The following CSMD1 variants were observed in gnomAD, a reference collection of about 807,000 sequenced individuals.
The protein encoded by CSMD1 is CUB and sushi domain-containing protein 1.
CSMD1 carries 213 observed loss-of-function variants against 417.5 expected under a neutral mutation model. The observed-to-expected ratio is 0.51, with a 90% CI of 0.46 to 0.57. The LOEUF is 0.57. CSMD1 is among the 20% of genes least tolerant of loss of function. The pLI is 0.00. For synonymous variants in CSMD1, 2,862 were observed against 1,736.8 expected (o/e 1.65, Z -16.11); for missense variants, 6,923 against 4,529.7 (o/e 1.53, Z -15.17).
chr8:4,467,817 T>C (rs753861168), intron 2 of CSMD1, among the ~76,000 whole-genome samples: 1 of 152,154 alleles, frequency 6.6e-6, no homozygotes, highest in Non-Finnish European at 1.5e-5. Context: ...AGTGAAATAA[T>C]TGGACAAACT....
chr8:3,399,842 ATC>A (rs1811931830), intron 15 of CSMD1, among the ~76,000 whole-genome samples: 1 of 152,216 alleles, frequency 6.6e-6, no homozygotes, highest in Non-Finnish European at 1.5e-5. Context: ...ATGCCCGGTT[ATC>A]TATAGTTTAC....
At chr8:4,970,064 A>G (rs930941634) in intron 1 of CSMD1, among the ~76,000 whole-genome samples, 4 of 152,202 alleles carry the variant, frequency 2.6e-5, no homozygotes, top group Non-Finnish European at 5.9e-5. Context: ...GCACACAGAA[A>G]TGACAAAAGT....
chr8:4,485,137 A>G (rs1013114064), intron 2 of CSMD1, among the ~76,000 whole-genome samples: 3 of 151,992 alleles, frequency 2.0e-5, no homozygotes, highest in African/African-American at 4.8e-5. Context: ...GGTCTTCGGC[A>G]TAGGCTGTAT....
intron 1 of CSMD1, among the ~76,000 whole-genome samples, chr8:4,646,850 T>C (rs1034715079): frequency 4.6e-5 from 7 of 152,182 alleles, no homozygotes; most frequent in African/African-American, 1.4e-4. Context: ...TTTTTTGTTA[T>C]GAAAATTATA....
chr8:4,699,822 C>T (rs752391333), intron 1 of CSMD1, among the ~76,000 whole-genome samples: 3 of 152,064 alleles, frequency 2.0e-5, no homozygotes, highest in East Asian at 3.9e-4. Flanking sequence ...CAGGTCTTGC[C>T]GATGCAGAGA....
At chr8:4,101,236 T>C (rs911676517) in intron 3 of CSMD1, among the ~76,000 whole-genome samples, 3 of 152,234 alleles carry the variant, frequency 2.0e-5, no homozygotes, top group Non-Finnish European at 2.9e-5. Context: ...TGTTTTTTGC[T>C]GTTTCTCCCC....
intron 1 of CSMD1, among the ~76,000 whole-genome samples, chr8:4,702,363 T>G (rs974991519): frequency 1.3e-5 from 2 of 152,202 alleles, no homozygotes; most frequent in African/African-American, 4.8e-5. Context: ...CCTCCTGCTC[T>G]CCGAAGTAGC....
intron 6 of CSMD1, among the ~76,000 whole-genome samples, chr8:3,750,796 C>T (rs1359304467): frequency 6.6e-6 from 1 of 152,164 alleles, no homozygotes; most frequent in Non-Finnish European, 1.5e-5. Flanking sequence ...TCATCCTAAG[C>T]TGTTGCTCTG....
At chr8:3,483,816 T>C (rs1330235899) in intron 11 of CSMD1, among the ~76,000 whole-genome samples, 9 of 152,198 alleles carry the variant, frequency 5.9e-5, no homozygotes, top group Admixed American at 5.9e-4. Context: ...TATTCCATTT[T>C]ATGAAAGGCT....
chr8:3,175,475 C>CCCCT (rs1554451320), intron 37 of CSMD1, among the ~76,000 whole-genome samples: 2 of 132,470 alleles, frequency 1.5e-5, no homozygotes, highest in African/African-American at 2.9e-5. Flanking sequence ...TCCTTCTTTT[C>CCCCT]CCTTCCTTCC....
intron 2 of CSMD1, among the ~76,000 whole-genome samples, chr8:4,467,080 C>CT (rs544131152): frequency 1.5e-5 from 2 of 130,196 alleles, no homozygotes; most frequent in African/African-American, 5.7e-5. Flanking sequence ...GCTTTGATTT[C>CT]TTTTCAAATT....
intron 5 of CSMD1, among the ~76,000 whole-genome samples, chr8:3,977,670 A>T (rs188379980): frequency 4.6e-5 from 7 of 152,302 alleles, no homozygotes; most frequent in Non-Finnish European, 1.0e-4. Context: ...TTCTGCTCAT[A>T]AGAATGTGGT....
intron 37 of CSMD1, among the ~76,000 whole-genome samples, chr8:3,178,498 G>A (rs762313975): frequency 3.9e-5 from 6 of 152,064 alleles, no homozygotes; most frequent in East Asian, 1.9e-4. Flanking sequence ...TGGATACCTC[G>A]CAAGGTGCTC....
intron 5 of CSMD1, among the ~76,000 whole-genome samples, chr8:3,815,314 T>C (rs1034955979): frequency 2.6e-5 from 4 of 152,110 alleles, no homozygotes; most frequent in African/African-American, 9.7e-5. Context: ...GAGTATTAGT[T>C]CACTTCTGAA....
intron 2 of CSMD1, among the ~76,000 whole-genome samples, chr8:4,523,571 G>C (rs551543617): frequency 6.6e-6 from 1 of 152,084 alleles, no homozygotes; most frequent in East Asian, 1.9e-4. Context: ...TGCAATTGTG[G>C]TTGCCTCAAA....
chr8:4,969,270 G>A (rs1051248947), intron 1 of CSMD1, among the ~76,000 whole-genome samples: 2 of 151,882 alleles, frequency 1.3e-5, no homozygotes, highest in African/African-American at 2.4e-5. Flanking sequence ...GAATTACTTA[G>A]GCATTTTCAA....
intron 3 of CSMD1, among the ~76,000 whole-genome samples, chr8:4,221,266 C>G (rs559931138): frequency 2.6e-5 from 4 of 151,908 alleles, no homozygotes; most frequent in South Asian, 2.1e-4. Context: ...AACACCTGCT[C>G]TGGAGAATTT....
intron 5 of CSMD1, among the ~76,000 whole-genome samples, chr8:3,767,043 C>G (rs190032466): frequency 6.6e-6 from 1 of 152,206 alleles, no homozygotes; most frequent in Non-Finnish European, 1.5e-5. Context: ...CTCCGGAGCT[C>G]TTCAGCTGCT....
At chr8:3,951,087 A>G (rs1214544256) in intron 5 of CSMD1, among the ~76,000 whole-genome samples, 1 of 152,258 alleles carries the variant, frequency 6.6e-6, no homozygotes, top group Non-Finnish European at 1.5e-5. Context: ...TGAATTTTAT[A>G]CATTAATCTG....
Sources: allele counts gnomAD v4.1 joint callset (sites outside exome capture counted in the v4.1 genomes callset), GRCh38; gene constraint gnomAD v4.1.1; transcripts MANE v1.5; gene names NCBI Gene and HGNC (gene_info 2026-07-23, HGNC 2026-07-21).